Variants in RBFOX1 observed in about 807,000 individuals in gnomAD.
RBFOX1 encodes the protein RNA binding protein fox-1 homolog 1.
In RBFOX1, 8 loss-of-function variants were observed where a neutral mutation model predicts 57.7. The observed-to-expected ratio is 0.14, with a 90% CI of 0.08 to 0.25. The LOEUF (loss-of-function observed/expected upper bound fraction) is 0.25, where lower values mean the gene tolerates loss of function less well. Ranked by LOEUF, RBFOX1 falls within the 10% of genes least tolerant of loss-of-function variation. The pLI, the probability that RBFOX1 is intolerant of heterozygous loss-of-function variation, is 1.00. For synonymous variants in RBFOX1, 326 were observed against 222.4 expected (o/e 1.47, Z -4.15); for missense variants, 611 against 548.5 (o/e 1.11, Z -1.14).
intron 1 of RBFOX1, among the ~76,000 whole-genome samples, chr16:6,314,584 A>G (rs1462710009): frequency 6.6e-6 from 1 of 152,172 alleles, no homozygotes; most frequent in East Asian, 1.9e-4. Flanking sequence ...ATACTAGTGC[A>G]CTGTGTCTTA....
chr16:6,728,675 A>G (rs2067813883), intron 3 of RBFOX1, among the ~76,000 whole-genome samples: 1 of 152,202 alleles, frequency 6.6e-6, no homozygotes, highest in African/African-American at 2.4e-5. Flanking sequence ...TCAAATAGCA[A>G]TAAAATTGGG....
At chr16:7,547,746 A>T (rs1198790688) in intron 5 of RBFOX1, among the ~76,000 whole-genome samples, 3 of 152,212 alleles carry the variant, frequency 2.0e-5, no homozygotes, top group Non-Finnish European at 4.4e-5. Flanking sequence ...TTATTTTTGC[A>T]GGTGGAAACA....
At chr16:6,274,056 A>G (rs907183340) in intron 1 of RBFOX1, among the ~76,000 whole-genome samples, 1 of 152,226 alleles carries the variant, frequency 6.6e-6, no homozygotes, top group Non-Finnish European at 1.5e-5. Context: ...AGTACTTGCA[A>G]GGTTGTTGAG....
At chr16:5,909,894 A>T (rs979857618) in intron 4 of RBFOX1, among the ~76,000 whole-genome samples, 4 of 152,024 alleles carry the variant, frequency 2.6e-5, no homozygotes, top group South Asian at 2.1e-4. Flanking sequence ...CTCCACTAAA[A>T]ATACAAAAAT....
At chr16:6,187,692 G>A (rs1235062904) in intron 1 of RBFOX1, among the ~76,000 whole-genome samples, 1 of 152,104 alleles carries the variant, frequency 6.6e-6, no homozygotes, top group Non-Finnish European at 1.5e-5. Context: ...TCAAAATTTA[G>A]AAGGAAAAAT....
intron 3 of RBFOX1, among the ~76,000 whole-genome samples, chr16:6,913,222 G>C (rs1170717000): frequency 6.6e-6 from 1 of 152,064 alleles, no homozygotes; most frequent in Non-Finnish European, 1.5e-5. Context: ...CAGGGTATCG[G>C]AAATTATTAT....
chr16:5,503,857 A>C (rs1042228422), intron 2 of RBFOX1, among the ~76,000 whole-genome samples: 1 of 152,126 alleles, frequency 6.6e-6, no homozygotes, highest in Admixed American at 6.5e-5. Flanking sequence ...TCAAACCCCT[A>C]TTGTCTGGTC....
At chr16:6,449,159 G>C (rs1232236767) in intron 2 of RBFOX1, among the ~76,000 whole-genome samples, 1 of 152,166 alleles carries the variant, frequency 6.6e-6, no homozygotes, top group African/African-American at 2.4e-5. Flanking sequence ...GAGGAGAGAG[G>C]AATGGAGACT....
intron 3 of RBFOX1, among the ~76,000 whole-genome samples, chr16:6,954,835 A>G (rs1376049087): frequency 6.6e-6 from 1 of 152,150 alleles, no homozygotes; most frequent in Non-Finnish European, 1.5e-5. Flanking sequence ...TGGATTAGCA[A>G]CTTTATAACC....
intron 4 of RBFOX1, among the ~76,000 whole-genome samples, chr16:7,455,288 C>T (rs567438593): frequency 2.0e-5 from 3 of 152,208 alleles, no homozygotes; most frequent in African/African-American, 7.2e-5. Context: ...CATCACCCTC[C>T]CTATATTGAG....
At chr16:7,335,603 AAAAAAAC>A (rs1204349459) in intron 4 of RBFOX1, among the ~76,000 whole-genome samples, 3 of 64,182 alleles carry the variant, frequency 4.7e-5, no homozygotes, top group Non-Finnish European at 2.9e-5. Flanking sequence ...AAAAAAAAAA[AAAAAAAC>A]CAAGTGATTT....
chr16:6,514,120 G>T (rs2096316539), intron 2 of RBFOX1, among the ~76,000 whole-genome samples: 1 of 152,174 alleles, frequency 6.6e-6, no homozygotes, highest in South Asian at 2.1e-4. Flanking sequence ...GAACCCAGAA[G>T]TAATCAGCCC....
At chr16:7,062,273 A>C (rs2054559317) in intron 4 of RBFOX1, among the ~76,000 whole-genome samples, 1 of 142,316 alleles carries the variant, frequency 7.0e-6, no homozygotes, top group Non-Finnish European at 1.5e-5. Flanking sequence ...AGCCGAGATC[A>C]TGCCACTGCA....
chr16:5,593,300 A>G (rs958941913), intron 2 of RBFOX1, among the ~76,000 whole-genome samples: 39 of 149,736 alleles, frequency 2.6e-4, no homozygotes, highest in Admixed American at 2.5e-3. Flanking sequence ...ATAAGAACAC[A>G]TGGACACGGG....
intron 1 of RBFOX1, among the ~76,000 whole-genome samples, chr16:6,218,348 G>A (rs571143117): frequency 6.6e-6 from 1 of 151,912 alleles, no homozygotes; most frequent in South Asian, 2.1e-4. Flanking sequence ...TCACTCTATT[G>A]CCCAGGCTGG....
At chr16:6,387,533 C>G (rs914813665) in intron 2 of RBFOX1, among the ~76,000 whole-genome samples, 4 of 151,120 alleles carry the variant, frequency 2.6e-5, no homozygotes, top group African/African-American at 9.7e-5. Flanking sequence ...TTAGCGTCAA[C>G]TTAAATTCAA....
chr16:7,399,942 G>T (rs2098212932), intron 4 of RBFOX1, among the ~76,000 whole-genome samples: 1 of 152,128 alleles, frequency 6.6e-6, no homozygotes, highest in African/African-American at 2.4e-5. Context: ...TTCTGTGGGC[G>T]ATGACTATGT....
At chr16:6,794,523 A>G (rs186253204) in intron 3 of RBFOX1, among the ~76,000 whole-genome samples, 1 of 152,218 alleles carries the variant, frequency 6.6e-6, no homozygotes, top group Non-Finnish European at 1.5e-5. Flanking sequence ...GTCATTTTAT[A>G]AGTTCCTAAT....
chr16:7,518,433 G>A (rs745386545), intron 5 of RBFOX1, 44 bp downstream of exon 5: 13 of 1,560,848 alleles, frequency 8.3e-6, no homozygotes, highest in Non-Finnish European at 1.0e-5. Flanking sequence ...ATGGGGAGGC[G>A]CCCCCAGCCC....
Sources: allele counts gnomAD v4.1 joint callset (sites outside exome capture counted in the v4.1 genomes callset), GRCh38; gene constraint gnomAD v4.1.1; transcripts MANE v1.5; gene names NCBI Gene and HGNC (gene_info 2026-07-23, HGNC 2026-07-21).